Variants in FILIP1L observed in about 807,000 individuals in gnomAD.
FILIP1L encodes filamin A interacting protein 1 like.
FILIP1L carries 55 observed loss-of-function variants against 96.6 expected under a neutral mutation model. That is an observed-to-expected ratio of 0.57 (90% CI 0.46 to 0.71). The LOEUF (loss-of-function observed/expected upper bound fraction) is 0.71, where lower values mean the gene tolerates loss of function less well. FILIP1L is among the 30% of genes least tolerant of loss of function. The pLI is 0.00. For synonymous variants in FILIP1L, 467 were observed against 473.9 expected, an observed-to-expected ratio of 0.99 and a Z score of 0.19; for missense variants, 1,304 against 1,321.2, an observed-to-expected ratio of 0.99 and a Z score of 0.20.
At chr3:99,897,999 A>G (rs908060153) in intron 4 of FILIP1L, 3 of 152,188 alleles carry the variant, frequency 2.0e-5, no homozygotes, top group Non-Finnish European at 4.4e-5. Flanking sequence ...GATTCCTCAT[A>G]CCAATGTTAC....
chr3:99,934,761 A>G (rs1707605757), intron 1 of FILIP1L, among the ~76,000 whole-genome samples: 1 of 152,238 alleles, frequency 6.6e-6, no homozygotes, highest in Non-Finnish European at 1.5e-5. Context: ...GAAATCTGGT[A>G]GGAGAACATA....
intron 1 of FILIP1L, among the ~76,000 whole-genome samples, chr3:99,933,929 G>T (rs554319348): frequency 1.3e-5 from 2 of 152,272 alleles, no homozygotes; most frequent in East Asian, 3.9e-4. Context: ...AATAACAATG[G>T]CTCAGAATTC....
chr3:99,879,828 T>C (rs1705661416), intron 4 of FILIP1L, among the ~76,000 whole-genome samples: 1 of 152,198 alleles, frequency 6.6e-6, no homozygotes, highest in South Asian at 2.1e-4. Flanking sequence ...CCTGGTCTTA[T>C]GGACCTGGTC....
intron 1 of FILIP1L, among the ~76,000 whole-genome samples, chr3:100,066,498 G>A (rs1283617758): frequency 7.1e-6 from 1 of 140,684 alleles, no homozygotes; most frequent in Non-Finnish European, 1.5e-5. Context: ...AAGCAAGGAT[G>A]ATGTGGAAGG....
chr3:99,968,819 C>G (rs1174476328), intron 1 of FILIP1L, among the ~76,000 whole-genome samples: 1 of 152,082 alleles, frequency 6.6e-6, no homozygotes, highest in East Asian at 1.9e-4. Flanking sequence ...GTGGCCAGGG[C>G]AGAATGACAT....
At chr3:100,014,194 G>GTA (rs1000329671) in intron 1 of FILIP1L, among the ~76,000 whole-genome samples, 37 of 150,490 alleles carry the variant, frequency 2.5e-4, no homozygotes, top group African/African-American at 7.3e-4. Context: ...CATTGTATAT[G>GTA]TATATATATA....
intron 5 of FILIP1L, among the ~76,000 whole-genome samples, chr3:99,844,751 C>T (rs922565550): frequency 2.6e-5 from 4 of 152,124 alleles, no homozygotes; most frequent in Non-Finnish European, 4.4e-5. Flanking sequence ...CTGAAATCCC[C>T]GTTTGGATCG....
intron 1 of FILIP1L, among the ~76,000 whole-genome samples, chr3:100,077,231 A>G (rs570468682): frequency 2.0e-5 from 3 of 152,324 alleles, no homozygotes; most frequent in African/African-American, 7.2e-5. Context: ...GGAACACACC[A>G]TCATGCAGAA....
intron 4 of FILIP1L, among the ~76,000 whole-genome samples, chr3:99,885,612 C>T (rs1274788810): frequency 6.6e-6 from 1 of 152,188 alleles, no homozygotes; most frequent in African/African-American, 2.4e-5. Flanking sequence ...TGGCTTAGGG[C>T]TCACTTGACC....
chr3:100,096,187 T>C (rs760206228), intron 1 of FILIP1L, among the ~76,000 whole-genome samples: 15 of 152,152 alleles, frequency 9.9e-5, no homozygotes, highest in Non-Finnish European at 1.5e-5. Flanking sequence ...ACAACCACTG[T>C]GGACAACAGT....
rs748174973 is a variant in FILIP1L, at chr3:99,850,671, A to G, written c.1005T>C (p.Asp335=). 5.6e-6 allele frequency: 9 copies of G among 1,614,044 alleles called. No individual in the cohort carries two copies. In the Admixed American group the frequency reaches 1.3e-4, roughly 24 times the overall value. Residue 335 remains aspartate (D), a synonymous_variant, in exon 5 of 6, where the codon GAT becomes GAC. Coordinates refer to ENST00000477258, the MANE Select transcript of FILIP1L (RefSeq NM_001387850.1). ...QKLAALSRQI[D]ELEETNRSLR... ...AAGACCTGTTTGTCTCTTCTAACTC[A>G]TCAATCTGCCGGCTGAGTGCTGCCA... is the stretch of plus-strand genomic sequence containing the variant.
At chr3:99,836,086 T>A (rs1035407244) in intron 5 of FILIP1L, among the ~76,000 whole-genome samples, 3 of 152,180 alleles carry the variant, frequency 2.0e-5, no homozygotes, top group Non-Finnish European at 4.4e-5. Context: ...TTTTAAGTGC[T>A]GTTTTCTGGG....
At chr3:99,931,081 T>G in intron 1 of FILIP1L, 51 bp from the exon 2 acceptor site, 3 of 1,460,752 alleles carry the variant, frequency 2.1e-6, no homozygotes, top group Non-Finnish European at 2.8e-6. Context: ...GGAGTTTTAA[T>G]AAGAGTACCT....
chr3:99,985,884 G>A (rs997033878), intron 1 of FILIP1L, among the ~76,000 whole-genome samples: 2 of 152,036 alleles, frequency 1.3e-5, no homozygotes, highest in Admixed American at 6.6e-5. Context: ...CCACCGCACC[G>A]GGCCTGAGAA....
chr3:99,977,188 G>T (rs998148917), intron 1 of FILIP1L, among the ~76,000 whole-genome samples: 1 of 152,204 alleles, frequency 6.6e-6, no homozygotes, highest in African/African-American at 2.4e-5. Flanking sequence ...GAGGCATAAG[G>T]CTGGAGGAAC....
At chr3:99,999,640 G>A (rs1235069719) in intron 1 of FILIP1L, among the ~76,000 whole-genome samples, 1 of 152,132 alleles carries the variant, frequency 6.6e-6, no homozygotes, top group Non-Finnish European at 1.5e-5. Flanking sequence ...TTCAGTCAGC[G>A]CTTTGCTAAA....
Position 100,066,722 on chromosome 3 carries a change from G to A in FILIP1L, c.-11+47331C>T, listed in dbSNP as rs1383850801. 2.1e-5 allele frequency among the ~76,000 whole-genome samples: 2 copies of A among 97,352 alleles called. 1 individual carries two copies. Among genetic ancestry groups the A allele is most frequent in the Non-Finnish European group, 4.8e-5 (2 of 42,080 alleles). 63.9% of individuals were successfully genotyped at this position (97,352 alleles called of 152,430 possible). A position where few individuals can be genotyped will look rare whatever the true frequency, so the allele number is the denominator to read the frequency against. On this transcript the variant is annotated intron_variant, in intron 1 of 5. Coordinates refer to ENST00000477258, the MANE Select transcript of FILIP1L (RefSeq NM_001387850.1). ...AATTTTTTGTATTTTTAGTAGAGAC[G>A]GGGTTTCACCATTTTAGCCGGGATG... is the stretch of plus-strand genomic sequence containing the variant.
At chr3:100,060,156 C>T (rs1015920571) in intron 1 of FILIP1L, among the ~76,000 whole-genome samples, 1 of 152,042 alleles carries the variant, frequency 6.6e-6, no homozygotes, top group East Asian at 1.9e-4. Context: ...GGGTGGGCTA[C>T]GGTGCCAGAC....
At chr3:99,843,321 A>G (rs972069248) in intron 5 of FILIP1L, among the ~76,000 whole-genome samples, 2 of 152,236 alleles carry the variant, frequency 1.3e-5, no homozygotes, top group African/African-American at 2.4e-5. Flanking sequence ...GCTTTGCTAC[A>G]GTTATAAAAC....
Sources: gnomAD v4.1 joint callset for allele counts (sites outside exome capture counted in the v4.1 genomes callset) on GRCh38, gnomAD v4.1.1 for gene constraint, MANE v1.5 for transcripts, NCBI Gene and HGNC (gene_info 2026-07-23, HGNC 2026-07-21) for gene names.